The following GSE1 variants were observed in gnomAD, a reference collection of about 807,000 sequenced individuals.
GSE1 encodes the protein Gse1 coiled-coil protein, also known as genetic suppressor element 1.
GSE1 carries 32 observed loss-of-function variants against 112.6 expected under a neutral mutation model. The observed-to-expected ratio is 0.28, with a 90% CI of 0.21 to 0.38. The LOEUF (loss-of-function observed/expected upper bound fraction) is 0.38, where lower values mean the gene tolerates loss of function less well. Among genes scored for constraint, GSE1 ranks in the 10% least tolerant of loss-of-function variants. The pLI, the probability that GSE1 is intolerant of heterozygous loss-of-function variation, is 1.00. For missense variants in GSE1, 2,348 were observed against 1,699.2 expected (o/e 1.38, Z -6.71); for synonymous variants, 1,115 against 735.6 (o/e 1.52, Z -8.35).
chr16:85,556,461 T>C (rs1433053569), intron 1 of GSE1: 1 of 409,828 alleles, frequency 2.4e-6, no homozygotes, highest in African/African-American at 2.3e-5. Context: ...CGAGCCAGGG[T>C]CGGGGCATTG....
At position 85,664,952 on chromosome 16, in the gene GSE1, G is replaced by T. The variant is rs1054036799; in HGVS notation, c.2645-63G>T. 6.3e-6 allele frequency: 7 copies of T among 1,113,584 alleles called. No homozygotes were observed. In the African/African-American group the frequency reaches 7.6e-5, roughly 12 times the overall value. 69.0% of individuals were successfully genotyped at this position (1,113,584 alleles called of 1,614,324 possible). On this transcript the variant is annotated intron_variant, in intron 11 of 15. Coordinates refer to ENST00000253458, the MANE Select transcript of GSE1 (RefSeq NM_014615.5). The stretch of plus-strand genomic sequence containing the variant: ...CCCCTCAAGGCTCGGCTAGAATCCC[G>T]CTGTCCTTCTCTCCAAAAAATGATG...
intron 2 of GSE1, among the ~76,000 whole-genome samples, chr16:85,545,356 A>T (rs1311963981): frequency 6.6e-6 from 1 of 152,218 alleles, no homozygotes; most frequent in East Asian, 1.9e-4. Flanking sequence ...CAGCCCCAAA[A>T]TGGAGGTCGG....
At chr16:85,603,232 C>G (rs935172707) in intron 1 of GSE1, among the ~76,000 whole-genome samples, 6 of 152,240 alleles carry the variant, frequency 3.9e-5, no homozygotes, top group African/African-American at 1.4e-4. Flanking sequence ...GTGAACCCCT[C>G]CATCTCAGAG....
intron 1 of GSE1, among the ~76,000 whole-genome samples, chr16:85,599,689 T>G (rs2047379451): frequency 6.6e-6 from 1 of 152,194 alleles, no homozygotes. Flanking sequence ...AAGAGACATT[T>G]ATCACAGGCC....
At chr16:85,481,748 C>T (rs2151872777) in intron 2 of GSE1, among the ~76,000 whole-genome samples, 1 of 152,330 alleles carries the variant, frequency 6.6e-6, no homozygotes, top group Non-Finnish European at 1.5e-5. Flanking sequence ...GGACTCTGCC[C>T]AATGCCCGGC....
chr16:85,639,126 C>T (rs1272124867), intron 2 of GSE1, among the ~76,000 whole-genome samples: 25 of 152,222 alleles, frequency 1.6e-4, no homozygotes, highest in Admixed American at 1.6e-3. Context: ...GTCCCTGACC[C>T]TGTTCTGCCC....
At chr16:85,422,656 G>T (rs1305301276) in intron 2 of GSE1, among the ~76,000 whole-genome samples, 2 of 152,182 alleles carry the variant, frequency 1.3e-5, no homozygotes, top group African/African-American at 4.8e-5. Flanking sequence ...CGCAAGAAGC[G>T]GCATTCTGAC....
chr16:85,291,367 G>A (rs2045205588), intron 1 of GSE1, among the ~76,000 whole-genome samples: 3 of 152,200 alleles, frequency 2.0e-5, no homozygotes, highest in Admixed American at 2.0e-4. Flanking sequence ...TGCCCATCTG[G>A]CTTGTGCTGG....
intron 1 of GSE1, among the ~76,000 whole-genome samples, chr16:85,185,809 A>G (rs2074688040): frequency 6.6e-6 from 1 of 152,174 alleles, no homozygotes; most frequent in South Asian, 2.1e-4. Context: ...CCTCCTGCCC[A>G]TGGTCTGAAC....
chr16:85,234,060 G>C (rs2143860030), intron 1 of GSE1, among the ~76,000 whole-genome samples: 1 of 152,298 alleles, frequency 6.6e-6, no homozygotes, highest in African/African-American at 2.4e-5. Context: ...AATAGGACAA[G>C]ACCAGGGCGA....
At chr16:85,312,825 T>A (rs2045891190) in intron 1 of GSE1, among the ~76,000 whole-genome samples, 1 of 151,528 alleles carries the variant, frequency 6.6e-6, no homozygotes, top group South Asian at 2.1e-4. Flanking sequence ...TCCACCCAGG[T>A]TGACACTGGC....
intron 2 of GSE1, among the ~76,000 whole-genome samples, chr16:85,441,238 A>G (rs762024062): frequency 3.3e-5 from 5 of 152,164 alleles, no homozygotes; most frequent in Non-Finnish European, 7.4e-5. Flanking sequence ...GCCTCGACCC[A>G]CCAGATGTCA....
intron 1 of GSE1, among the ~76,000 whole-genome samples, chr16:85,559,491 A>C (rs759151147): frequency 3.9e-5 from 6 of 152,174 alleles, no homozygotes; most frequent in Non-Finnish European, 7.4e-5. Context: ...CTTGGTTTCT[A>C]TGCCTGATGC....
At chr16:85,548,510 T>A (rs1290346285) in intron 2 of GSE1, among the ~76,000 whole-genome samples, 1 of 152,224 alleles carries the variant, frequency 6.6e-6, no homozygotes, top group African/African-American at 2.4e-5. Flanking sequence ...TGCCTTTCTA[T>A]GTCTGGCCTA....
At chr16:85,626,789 C>A (rs1048922732) in intron 1 of GSE1, among the ~76,000 whole-genome samples, 1 of 152,046 alleles carries the variant, frequency 6.6e-6, no homozygotes, top group South Asian at 2.1e-4. Context: ...GCCGGGAGGG[C>A]GGCTGGCACG....
intron 2 of GSE1, among the ~76,000 whole-genome samples, chr16:85,543,340 A>C (rs1279861672): frequency 6.6e-6 from 1 of 152,250 alleles, no homozygotes; most frequent in Admixed American, 6.5e-5. Flanking sequence ...AGGGAAGGCT[A>C]AGTCATACTA....
rs1015043360 is a variant in GSE1 at position 85,673,415 on chromosome 16, T to C, written c.*876T>C. 1 of 152,082 alleles carries C rather than the reference T, an allele frequency of 6.6e-6. No individual in the cohort carries two copies. Among genetic ancestry groups the C allele is most frequent in the East Asian group, 1.9e-4 (1 of 5,188 alleles). The allele number at this position is 152,082 out of a possible 1,614,324, so 9.4% of individuals were successfully genotyped here. A position where few individuals can be genotyped will look rare whatever the true frequency, so the allele number is the denominator to read the frequency against. ...AGCCTGCCATTTTTAATATGTGGTT[T>C]GGGGGATTTTTGTTTGTTTTTCCTG... is the stretch of plus-strand genomic sequence containing the variant. On this transcript the variant is annotated 3_prime_UTR_variant, in exon 16 of 16. Transcript: ENST00000253458.
chr16:85,382,265 TG>T (rs1364042858), intron 2 of GSE1, among the ~76,000 whole-genome samples: 1 of 152,154 alleles, frequency 6.6e-6, no homozygotes, highest in Non-Finnish European at 1.5e-5. Flanking sequence ...CTTATCTCAG[TG>T]TCTGGGCTCT....
At chr16:85,635,040 C>G (rs1258368589) in intron 2 of GSE1, among the ~76,000 whole-genome samples, 2 of 152,142 alleles carry the variant, frequency 1.3e-5, no homozygotes, top group African/African-American at 4.8e-5. Flanking sequence ...CCAGGGCCCT[C>G]CGGGGTGGCC....
Sources: gnomAD v4.1 joint callset for allele counts (sites outside exome capture counted in the v4.1 genomes callset) on GRCh38, gnomAD v4.1.1 for gene constraint, MANE v1.5 for transcripts, NCBI Gene and HGNC (gene_info 2026-07-23, HGNC 2026-07-21) for gene names.